Variants in HSDL2 observed in about 807,000 individuals in gnomAD.
HSDL2 encodes hydroxysteroid dehydrogenase like 2.
In HSDL2, 27 loss-of-function variants were observed where a neutral mutation model predicts 46.3. That is an observed-to-expected ratio of 0.58 (90% CI 0.43 to 0.80). HSDL2 has a LOEUF of 0.80. Among genes scored for constraint, HSDL2 ranks in the 30% least tolerant of loss-of-function variants. The probability of loss-of-function intolerance (pLI) is 0.00; values close to 1 mark genes in which losing one functional copy is unlikely to be tolerated. For missense variants in HSDL2, 451 were observed against 502.7 expected, an observed-to-expected ratio of 0.90 and a Z score of 0.98; for synonymous variants, 153 against 163.6, an observed-to-expected ratio of 0.94 and a Z score of 0.50.
chr9:112,459,435 G>A lies in HSDL2; in HGVS notation c.1016-14G>A, dbSNP rs1242575286. On this transcript the variant is annotated splice_polypyrimidine_tract_variant and intron_variant, in intron 9 of 10. Transcript: ENST00000398805. ...GCTTCTATGACATTGATTTCTATATGTTTATCTCTCTAGGTGAAGATGGTG... is the reference window on the plus strand; with the variant it reads ...GCTTCTATGACATTGATTTCTATATATTTATCTCTCTAGGTGAAGATGGTG... The A allele has an allele frequency of 6.2e-7, 1 of 1,612,952 alleles. No homozygotes were observed. Among genetic ancestry groups the A allele is most frequent in the Admixed American group, 1.7e-5 (1 of 59,968 alleles).
chr9:112,399,772 G>A (rs7019844), intron 1 of HSDL2, among the ~76,000 whole-genome samples: 44,746 of 152,000 alleles, frequency 0.29, 6,901 homozygotes, highest in Middle Eastern at 0.38. Context: ...GCCCGATGCC[G>A]CAGGCAGTCA....
chr9:112,403,763 G>C (rs776905096), intron 1 of HSDL2, among the ~76,000 whole-genome samples: 13 of 151,884 alleles, frequency 8.6e-5, no homozygotes, highest in Non-Finnish European at 1.6e-4. Context: ...AACAGATTTT[G>C]TTTGCTAAAT....
chr9:112,406,979 A>AT (rs1191675208), intron 3 of HSDL2, among the ~76,000 whole-genome samples: 1 of 152,174 alleles, frequency 6.6e-6, no homozygotes, highest in African/African-American at 2.4e-5. Context: ...GGAGGACCAT[A>AT]TGTACATGTG....
intron 9 of HSDL2, among the ~76,000 whole-genome samples, chr9:112,457,703 C>T (rs1833074057): frequency 6.6e-6 from 1 of 152,178 alleles, no homozygotes; most frequent in African/African-American, 2.4e-5. Flanking sequence ...ACTTAAAAAA[C>T]AAATCCACCC....
chr9:112,427,717 C>CTG (rs1366086429), intron 6 of HSDL2, among the ~76,000 whole-genome samples: 2 of 152,124 alleles, frequency 1.3e-5, no homozygotes, highest in African/African-American at 4.8e-5. Flanking sequence ...CCAGATTTTC[C>CTG]TGATTCTCCC....
At chr9:112,417,803 C>G (rs935225519) in intron 5 of HSDL2, among the ~76,000 whole-genome samples, 6 of 149,924 alleles carry the variant, frequency 4.0e-5, no homozygotes, top group African/African-American at 7.3e-5. Flanking sequence ...AAAGTCCAGG[C>G]ATGGTGGCTC....
rs771309866 is a variant in HSDL2 at position 112,454,040 on chromosome 9, A to G, written c.893A>G (p.Lys298Arg). Residue 298 changes from lysine to arginine, a missense_variant, in exon 9 of 11, where the codon AAA becomes AGA. Physicochemically the swap from Lys to Arg is conservative, Grantham distance 26 (BLOSUM62 2). Transcript: ENST00000398805. ...GCTGTTCCAGAATTCAAAGAAGAGA[A>G]ACTGCAGCTGCAACCAAAACCACGT... ...TGAVPEFKEEKLQLQPKPRSG... is the reference protein window; with the variant it reads ...TGAVPEFKEERLQLQPKPRSG... 10 of 1,613,856 alleles carry G rather than the reference A, an allele frequency of 6.2e-6. No individual in the cohort carries two copies. The highest frequency in any genetic ancestry group is 1.6e-4 in the Middle Eastern group (1 of 6,084).
chr9:112,466,065 T>C (rs780702533), intron 10 of HSDL2, among the ~76,000 whole-genome samples: 4 of 152,230 alleles, frequency 2.6e-5, no homozygotes, highest in Non-Finnish European at 4.4e-5. Context: ...TTTTTTGTTA[T>C]TATTTTGTTT....
At position 112,454,104 on chromosome 9, in the gene HSDL2, C is replaced by G; in HGVS notation, c.957C>G (p.Asp319Glu). 1 of 1,613,918 alleles carries G rather than the reference C, an allele frequency of 6.2e-7. No homozygotes were observed. Among genetic ancestry groups the G allele is most frequent in the Admixed American group, 1.7e-5 (1 of 60,016 alleles). Reference protein sequence around the residue: ...AVEETFRIVKDSLSDDVVKAT... With the variant: ...AVEETFRIVKESLSDDVVKAT... ...AAGAAACATTTAGAATTGTTAAGGA[C>G]TCTCTCAGTGATGATGTTGTTAAAG... The change falls in exon 9 of 11, where the codon GAC (aspartate) becomes GAG (glutamate). Residue 319 changes from aspartate to glutamate, a missense_variant. Asp to Glu is a conservative substitution (Grantham distance 45). Transcript: ENST00000398805.
At chr9:112,406,957 C>G (rs779323625) in intron 3 of HSDL2, among the ~76,000 whole-genome samples, 2 of 150,750 alleles carry the variant, frequency 1.3e-5, no homozygotes, top group African/African-American at 4.9e-5. Flanking sequence ...CCACTCTCCC[C>G]GCTAATGTTC....
intron 10 of HSDL2, chr9:112,469,758 G>A (rs1327829728): frequency 6.6e-6 from 1 of 151,072 alleles, no homozygotes; most frequent in Non-Finnish European, 1.5e-5. Flanking sequence ...CATACAAGCT[G>A]TGTGACCTTG....
intron 1 of HSDL2, among the ~76,000 whole-genome samples, chr9:112,383,705 C>T (rs1831155804): frequency 6.6e-6 from 1 of 152,148 alleles, no homozygotes; most frequent in African/African-American, 2.4e-5. Flanking sequence ...AGACTGTTTA[C>T]TTAATTAATT....
chr9:112,462,193 G>A (rs1473588178), intron 10 of HSDL2, among the ~76,000 whole-genome samples: 1 of 152,188 alleles, frequency 6.6e-6, no homozygotes, highest in Non-Finnish European at 1.5e-5. Context: ...GCCAGGCGTG[G>A]TGGTTCATTT....
At chr9:112,430,579 A>T (rs950014876) in intron 6 of HSDL2, among the ~76,000 whole-genome samples, 4 of 152,144 alleles carry the variant, frequency 2.6e-5, no homozygotes, top group Non-Finnish European at 5.9e-5. Flanking sequence ...AAAGGGGGGA[A>T]CAGTTAGGAG....
At chr9:112,396,081 T>G (rs1196745648) in intron 1 of HSDL2, among the ~76,000 whole-genome samples, 1 of 152,216 alleles carries the variant, frequency 6.6e-6, no homozygotes, top group Non-Finnish European at 1.5e-5. Flanking sequence ...AAACCCCATG[T>G]TTTCCATTAT....
chr9:112,422,210 AAAAC>A (rs763641556), intron 6 of HSDL2, among the ~76,000 whole-genome samples: 245 of 152,318 alleles, frequency 1.6e-3, no homozygotes, highest in African/African-American at 5.5e-3. Flanking sequence ...ACTGTCTCAA[AAAAC>A]AAACAAACAA....
At chr9:112,406,177 A>T (rs1420087146) in intron 3 of HSDL2, among the ~76,000 whole-genome samples, 1 of 151,834 alleles carries the variant, frequency 6.6e-6, no homozygotes, top group Non-Finnish European at 1.5e-5. Context: ...AAAAAAAAAA[A>T]AAAGAAAAAG....
intron 1 of HSDL2, among the ~76,000 whole-genome samples, chr9:112,398,758 C>CA (rs1368114282): frequency 6.6e-6 from 1 of 152,148 alleles, no homozygotes; most frequent in Non-Finnish European, 1.5e-5. Flanking sequence ...TGGAATTTTG[C>CA]ACCAACATGA....
At chr9:112,381,762 G>C (rs1309993822) in intron 1 of HSDL2, among the ~76,000 whole-genome samples, 2 of 152,182 alleles carry the variant, frequency 1.3e-5, no homozygotes, top group Admixed American at 1.3e-4. Context: ...GATTTGGTTT[G>C]CTCAACCTGT....
Sources: gnomAD v4.1 joint callset for allele counts (sites outside exome capture counted in the v4.1 genomes callset) on GRCh38, gnomAD v4.1.1 for gene constraint, MANE v1.5 for transcripts, NCBI Gene and HGNC (gene_info 2026-07-23, HGNC 2026-07-21) for gene names.